The following MSI2 variants were observed in gnomAD, a reference collection of about 807,000 sequenced individuals.
The protein encoded by MSI2 is RNA-binding protein Musashi homolog 2.
In MSI2, 17 loss-of-function variants were observed where a neutral mutation model predicts 45.6. That is an observed-to-expected ratio of 0.37 (90% CI 0.26 to 0.56). The LOEUF (loss-of-function observed/expected upper bound fraction) is 0.56, where lower values mean the gene tolerates loss of function less well. MSI2 is among the 20% of genes least tolerant of loss of function. The pLI is 0.77. For missense variants in MSI2, 293 were observed against 444.2 expected (o/e 0.66, Z 3.06); for synonymous variants, 156 against 158.2 (o/e 0.99, Z 0.11).
intron 10 of MSI2, among the ~76,000 whole-genome samples, chr17:57,642,364 G>A (rs560745292): frequency 6.6e-6 from 1 of 152,352 alleles, no homozygotes; most frequent in South Asian, 2.1e-4. Flanking sequence ...CATCTCTGAG[G>A]ACTGAGTCTT....
intron 10 of MSI2, among the ~76,000 whole-genome samples, chr17:57,642,619 C>A (rs996703330): frequency 6.6e-6 from 1 of 152,158 alleles, no homozygotes; most frequent in Admixed American, 6.5e-5. Flanking sequence ...GTCCTGGGAC[C>A]CCAGTCCCAT....
At chr17:57,621,946 C>G (rs1054513830) in intron 9 of MSI2, among the ~76,000 whole-genome samples, 2 of 152,216 alleles carry the variant, frequency 1.3e-5, no homozygotes, top group African/African-American at 2.4e-5. Flanking sequence ...TGGCTCATGC[C>G]TCTACTCCCA....
intron 10 of MSI2, among the ~76,000 whole-genome samples, chr17:57,637,777 G>A (rs374425226): frequency 2.0e-5 from 3 of 152,190 alleles, no homozygotes; most frequent in African/African-American, 4.8e-5. Flanking sequence ...AAGGCAACCC[G>A]GCCCAAGGAG....
intron 11 of MSI2, among the ~76,000 whole-genome samples, chr17:57,660,539 C>A (rs899183653): frequency 2.0e-5 from 3 of 152,216 alleles, no homozygotes; most frequent in African/African-American, 7.2e-5. Flanking sequence ...CATTGAAGAT[C>A]TCCCAACCTA....
chr17:57,388,251 C>T (rs1360598765), intron 5 of MSI2, among the ~76,000 whole-genome samples: 1 of 152,192 alleles, frequency 6.6e-6, no homozygotes, highest in Non-Finnish European at 1.5e-5. Flanking sequence ...TCCCCCTTTT[C>T]CCTCAAAGGA....
At chr17:57,345,058 G>A (rs959014042) in intron 5 of MSI2, among the ~76,000 whole-genome samples, 6 of 151,696 alleles carry the variant, frequency 4.0e-5, no homozygotes, top group South Asian at 2.1e-4. Flanking sequence ...GCGAGACTCC[G>A]TCTCAAAAAA....
chr17:57,676,529 T>G (rs2144755937), intron 12 of MSI2, among the ~76,000 whole-genome samples: 1 of 152,362 alleles, frequency 6.6e-6, no homozygotes, highest in South Asian at 2.1e-4. Context: ...AGACCCAATT[T>G]GTTCTTGAAA....
intron 5 of MSI2, among the ~76,000 whole-genome samples, chr17:57,284,921 G>A (rs897789062): frequency 6.8e-6 from 1 of 147,924 alleles, no homozygotes; most frequent in Non-Finnish European, 1.5e-5. Flanking sequence ...TTTTGCCTTC[G>A]AAGACAACAT....
At chr17:57,366,414 A>G (rs1444700253) in intron 5 of MSI2, among the ~76,000 whole-genome samples, 1 of 152,218 alleles carries the variant, frequency 6.6e-6, no homozygotes, top group African/African-American at 2.4e-5. Context: ...TTGGAGACAC[A>G]TTCTGTAATT....
At position 57,682,826 on chromosome 17, in the gene MSI2, C is replaced by T. The variant is rs1012605365; in HGVS notation, c.*3309C>T. ...ACTTTCTGGCTTCCAGATCCATCTG[C>T]CTGAGACCCCCGAACTCCTCTCCTC... On this transcript the variant is annotated 3_prime_UTR_variant, in exon 14 of 14. Transcript: ENST00000284073. 16 of 223,892 alleles carry T rather than the reference C, an allele frequency of 7.1e-5. No individual in the cohort carries two copies. The highest frequency in any genetic ancestry group is 1.2e-4 in the Non-Finnish European group (14 of 112,294). 13.9% of individuals were successfully genotyped at this position (223,892 alleles called of 1,614,324 possible).
In MSI2 at chr17:57,345,698, A is replaced by G. The variant is rs528885507; in HGVS notation, c.313-55681A>G. Among the ~76,000 whole-genome samples the G allele has an allele frequency of 9.9e-5, 15 of 152,108 alleles. No homozygotes were observed. The East Asian group carries it at 2.9e-3, about 29-fold the overall frequency. On this transcript the variant is annotated intron_variant, in intron 5 of 13. Coordinates refer to ENST00000284073, the MANE Select transcript of MSI2 (RefSeq NM_138962.4). ...CCCGGGTGTGGTGGTGCATGCCTGT[A>G]ATCCCAGCTACTCGGGAGGCTAAGG...
intron 11 of MSI2, among the ~76,000 whole-genome samples, chr17:57,654,238 A>G (rs1179358156): frequency 1.3e-5 from 2 of 152,208 alleles, no homozygotes; most frequent in African/African-American, 4.8e-5. Context: ...CCCCAGGGCA[A>G]TGACTAGACT....
chr17:57,451,277 G>A (rs1598285155), intron 6 of MSI2, among the ~76,000 whole-genome samples: 1 of 152,068 alleles, frequency 6.6e-6, no homozygotes, highest in East Asian at 1.9e-4. Context: ...TGACGATGTG[G>A]GTGCGTGCAT....
chr17:57,679,421 A>G, intron 13 of MSI2, 128 bp from the exon 14 acceptor site: 1 of 305,224 alleles, frequency 3.3e-6, no homozygotes, highest in Middle Eastern at 1.3e-3. Context: ...AGTCCAGTGA[A>G]GTCCATCTTT....
chr17:57,656,741 G>C (rs1006832282), intron 11 of MSI2, among the ~76,000 whole-genome samples: 8 of 152,182 alleles, frequency 5.3e-5, no homozygotes, highest in African/African-American at 1.9e-4. Flanking sequence ...ACATCCAAGA[G>C]GAACCACCCC....
chr17:57,373,532 G>T (rs2083450765), intron 5 of MSI2, among the ~76,000 whole-genome samples: 1 of 152,210 alleles, frequency 6.6e-6, no homozygotes, highest in African/African-American at 2.4e-5. Flanking sequence ...TTGTTTGAGG[G>T]CATTAAAATG....
chr17:57,531,468 C>G (rs1361391491), intron 7 of MSI2, among the ~76,000 whole-genome samples: 2 of 152,184 alleles, frequency 1.3e-5, no homozygotes, highest in Non-Finnish European at 1.5e-5. Context: ...GGTCTCAGGA[C>G]TATTGATTTC....
chr17:57,273,729 CG>C lies in MSI2; in HGVS notation c.312+11539del, dbSNP rs1233423322. 3.9e-5 allele frequency among the ~76,000 whole-genome samples: 6 copies of C among 152,300 alleles called. No individual in the cohort carries two copies. In the East Asian group the frequency reaches 1.2e-3, roughly 29 times the overall value. ...GCATTCACAGCATTAGCCCTCCAAG[CG>C]GCCCCTCTGCAGCATGACCCCAGTG... On this transcript the variant is annotated intron_variant, in intron 5 of 13. Coordinates refer to ENST00000284073, the MANE Select transcript of MSI2 (RefSeq NM_138962.4).
At chr17:57,619,195 T>A (rs1009211932) in intron 9 of MSI2, among the ~76,000 whole-genome samples, 5 of 152,192 alleles carry the variant, frequency 3.3e-5, no homozygotes, top group African/African-American at 1.2e-4. Context: ...CAAGCAGGGA[T>A]CCCTGAACAG....
Sources: gnomAD v4.1 joint callset for allele counts (sites outside exome capture counted in the v4.1 genomes callset) on GRCh38, gnomAD v4.1.1 for gene constraint, MANE v1.5 for transcripts, NCBI Gene and HGNC (gene_info 2026-07-23, HGNC 2026-07-21) for gene names.